Variants in MALT1 observed in about 807,000 individuals in gnomAD.
MALT1 encodes MALT1 paracaspase, also known as mucosa-associated lymphoid tissue lymphoma translocation protein 1.
Under a neutral mutation model 85.5 loss-of-function variants are expected in MALT1, and 36 were observed. That is an observed-to-expected ratio of 0.42 (90% CI 0.32 to 0.56). MALT1 has a LOEUF of 0.56. Among genes scored for constraint, MALT1 ranks in the 20% least tolerant of loss-of-function variants. The pLI, the probability that MALT1 is intolerant of heterozygous loss-of-function variation, is 0.10. For synonymous variants in MALT1, 359 were observed against 361.3 expected (o/e 0.99, Z 0.07); for missense variants, 716 against 981.6 (o/e 0.73, Z 3.62).
chr18:58,739,988 T>C (rs1326266225), intron 13 of MALT1, among the ~76,000 whole-genome samples: 1 of 152,226 alleles, frequency 6.6e-6, no homozygotes, highest in African/African-American at 2.4e-5. Flanking sequence ...CAACCTGGGA[T>C]TGGTATTTTT....
In MALT1 at chr18:58,741,854, A is replaced by G. The variant is rs2055305489; in HGVS notation, c.1604-11A>G. On this transcript the variant is annotated splice_polypyrimidine_tract_variant and intron_variant, in intron 13 of 16. Coordinates refer to ENST00000649217, the MANE Select transcript of MALT1 (RefSeq NM_006785.4). ...GGTCTTAAAAATAATATTTATTTTC[A>G]TATCTTTTAGATATGGGTAAGTGTC... 4.1e-6 allele frequency: 6 copies of G among 1,452,218 alleles called. No individual in the cohort carries two copies. In the East Asian group the frequency reaches 9.3e-5, roughly 22 times the overall value. 90.0% of individuals were successfully genotyped at this position (1,452,218 alleles called of 1,614,324 possible).
intron 13 of MALT1, among the ~76,000 whole-genome samples, chr18:58,735,557 T>C (rs1232659287): frequency 1.3e-5 from 2 of 152,186 alleles, no homozygotes; most frequent in Non-Finnish European, 2.9e-5. Flanking sequence ...CTGTGCAGCA[T>C]TACTCAGACT....
chr18:58,719,055 C>G (rs1471471764), intron 9 of MALT1, among the ~76,000 whole-genome samples: 1 of 152,072 alleles, frequency 6.6e-6, no homozygotes, highest in African/African-American at 2.4e-5. Flanking sequence ...TGGCTGGAGG[C>G]TATACTGGTA....
intron 8 of MALT1, 108 bp downstream of exon 8, chr18:58,714,217 C>A: frequency 2.1e-6 from 1 of 482,808 alleles, no homozygotes; most frequent in Non-Finnish European, 3.7e-6. Flanking sequence ...ACTTTTTTCT[C>A]TTTATTGAAA....
Position 58,711,378 on chromosome 18 carries a change from A to G in MALT1, c.958+425A>G, listed in dbSNP as rs76001492. ...TGCTCTCAAATGAAATTTAGTTTTT[A>G]TAAAAGTTTCAGGAGAGGAGATTTA... On this transcript the variant is annotated intron_variant, in intron 7 of 16. Transcript: ENST00000649217. Among the ~76,000 whole-genome samples the G allele has an allele frequency of 7.1e-3, 1,089 of 152,318 alleles. 15 individuals are homozygous for G. Among genetic ancestry groups the G allele is most frequent in the African/African-American group, 0.025 (1,039 of 41,580 alleles).
intron 13 of MALT1, among the ~76,000 whole-genome samples, chr18:58,740,757 C>CT (rs1407513354): frequency 2.1e-5 from 3 of 146,254 alleles, no homozygotes; most frequent in Non-Finnish European, 4.4e-5. Context: ...TTGCAGAACT[C>CT]TATGTATGCC....
Position 58,710,951 on chromosome 18 carries a change from A to C in MALT1, c.956A>C (p.Glu319Ala). 1 of 1,570,728 alleles carries C rather than the reference A, an allele frequency of 6.4e-7. No homozygotes were observed. Among genetic ancestry groups the C allele is most frequent in the Non-Finnish European group, 8.6e-7 (1 of 1,163,046 alleles). ...GRTDEAVECTEDELNNLGHPD... is the reference protein window; with the variant it reads ...GRTDEAVECTADELNNLGHPD... ...ACAGATGAGGCAGTGGAGTGCACTGAAGGTAGTGTAAGTCTTTGGTTTGAA... is the reference window on the plus strand; with the variant it reads ...ACAGATGAGGCAGTGGAGTGCACTGCAGGTAGTGTAAGTCTTTGGTTTGAA... The change falls in exon 7 of 17, where the codon GAA (glutamate) becomes GCA (alanine). Residue 319 changes from glutamate to alanine, a missense_variant and splice_region_variant. Around this residue, in one of 4 missense-constraint regions of MALT1, gnomAD observed 290 missense variants for 380.5 expected, o/e 0.76. Transcript: ENST00000649217.
chr18:58,725,496 A>G (rs1039434669), intron 10 of MALT1, among the ~76,000 whole-genome samples: 7 of 152,192 alleles, frequency 4.6e-5, no homozygotes, highest in African/African-American at 1.7e-4. Context: ...TGTATTTTCA[A>G]TCTGGCATCA....
intron 13 of MALT1, among the ~76,000 whole-genome samples, chr18:58,736,179 A>G (rs564548062): frequency 3.9e-4 from 60 of 152,340 alleles, no homozygotes; most frequent in African/African-American, 1.3e-3. Context: ...GCACCACTAG[A>G]AAATGGAGTT....
intron 15 of MALT1, among the ~76,000 whole-genome samples, chr18:58,745,041 G>C (rs544819028): frequency 6.6e-6 from 1 of 152,296 alleles, no homozygotes; most frequent in Non-Finnish European, 1.5e-5. Flanking sequence ...ATTACTGATA[G>C]AGGCTTTGTG....
In MALT1 at chr18:58,734,329, C is replaced by G. The variant is rs1568151633; in HGVS notation, c.1423C>G (p.Pro475Ala). Residue 475 changes from proline (P) to alanine (A), a missense_variant, in exon 12 of 17, where the codon CCA becomes GCA. Pro to Ala is a conservative substitution (Grantham distance 27, BLOSUM62 -1). Transcript: ENST00000649217. The stretch of plus-strand genomic sequence containing the variant: ...TAGAAATGACTACGATGATACCATT[C>G]CAATCTTGGATGCACTAAAAGTCAC... ...RKRNDYDDTI[P>A]ILDALKVTAN... 1 of 1,613,298 alleles carries G rather than the reference C, an allele frequency of 6.2e-7. No individual in the cohort carries two copies. The highest frequency in any genetic ancestry group is 1.7e-5 in the Admixed American group (1 of 60,028).
intron 12 of MALT1, 92 bp from the exon 13 acceptor site, chr18:58,735,110 C>T (rs1433872040): frequency 3.4e-6 from 4 of 1,169,368 alleles, no homozygotes; most frequent in Non-Finnish European, 4.8e-6. Flanking sequence ...GGGTGCTTCT[C>T]TGAGTTCATT....
intron 1 of MALT1, among the ~76,000 whole-genome samples, chr18:58,678,129 C>T (rs147239049): frequency 8.5e-5 from 13 of 152,222 alleles, no homozygotes; most frequent in African/African-American, 2.6e-4. Flanking sequence ...GATAATATTA[C>T]TAATGAAATT....
Position 58,733,418 on chromosome 18 carries a change from A to T in MALT1, c.1244A>T (p.His415Leu). The part of the protein sequence containing the change: ...GVYGLLYYAG[H>L]GYENFGNSFM... ...TCAGGGTTATTATATTATGCAGGAC[A>T]TGGTTATGAAAATTTTGGGAACAGC... The change falls in exon 11 of 17, where the codon CAT becomes CTT. Residue 415 changes from histidine (H) to leucine (L), a missense_variant. By Grantham distance (99) the His-to-Leu change is moderately conservative (BLOSUM62 -3). Around this residue, in one of 4 missense-constraint regions of MALT1, gnomAD observed 86 missense variants for 212.3 expected, o/e 0.41. Coordinates refer to ENST00000649217, the MANE Select transcript of MALT1 (RefSeq NM_006785.4). 6.2e-7 allele frequency: 1 copy of T among 1,610,264 alleles called. No homozygotes were observed. Among genetic ancestry groups the T allele is most frequent in the Non-Finnish European group, 8.5e-7 (1 of 1,178,524 alleles).
At chr18:58,680,497 C>T (rs983541196) in intron 1 of MALT1, among the ~76,000 whole-genome samples, 3 of 152,014 alleles carry the variant, frequency 2.0e-5, no homozygotes, top group Non-Finnish European at 4.4e-5. Context: ...GTTCTATCCG[C>T]TTCATTTGGG....
intron 1 of MALT1, 150 bp downstream of exon 1, chr18:58,672,002 A>G (rs1464636275): frequency 4.5e-6 from 2 of 447,020 alleles, no homozygotes; most frequent in Non-Finnish European, 7.1e-6. Context: ...ATTGAGGCGG[A>G]GCGGAACTCA....
At chr18:58,730,958 CT>C (rs550670187) in intron 10 of MALT1, among the ~76,000 whole-genome samples, 60 of 149,392 alleles carry the variant, frequency 4.0e-4, no homozygotes, top group African/African-American at 1.3e-3. Context: ...AGTCATTAGT[CT>C]TTTTTTTTTG....
In MALT1 at chr18:58,750,953, T is replaced by A. The variant is rs555818508; in HGVS notation, c.*3111T>A. ...GTTAACCCTCAGAATGGGAGAAAAA[T>A]TTTTGAAAAATCATGTATCTGATAA... On this transcript the variant is annotated 3_prime_UTR_variant, in exon 17 of 17. Coordinates refer to ENST00000649217, the MANE Select transcript of MALT1 (RefSeq NM_006785.4). 5.3e-5 allele frequency: 8 copies of A among 152,142 alleles called. No individual in the cohort carries two copies. Among genetic ancestry groups the A allele is most frequent in the Non-Finnish European group, 1.2e-4 (8 of 68,008 alleles). 9.4% of individuals were successfully genotyped at this position (152,142 alleles called of 1,614,324 possible). A position where few individuals can be genotyped will look rare whatever the true frequency, so the allele number is the denominator to read the frequency against.
chr18:58,750,681 C>T lies in MALT1; in HGVS notation c.*2839C>T, dbSNP rs536029498. The T allele has an allele frequency of 3.3e-5, 5 of 152,296 alleles. No homozygotes were observed. Among genetic ancestry groups the T allele is most frequent in the South Asian group, 2.1e-4 (1 of 4,826 alleles). The allele number at this position is 152,296 out of a possible 1,614,324, so 9.4% of individuals were successfully genotyped here. A position where few individuals can be genotyped will look rare whatever the true frequency, so the allele number is the denominator to read the frequency against. ...TGCTGGGACAACTAACTGGTAGCTA[C>T]GTGCACAGCAAAAGGATCCCTACCT... On this transcript the variant is annotated 3_prime_UTR_variant, in exon 17 of 17. Transcript: ENST00000649217.
Sources: allele counts gnomAD v4.1 joint callset (sites outside exome capture counted in the v4.1 genomes callset), GRCh38; gene constraint gnomAD v4.1.1; regional missense constraint gnomAD v4.1.1; transcripts MANE v1.5; gene names NCBI Gene and HGNC (gene_info 2026-07-23, HGNC 2026-07-21).